TMTC2: variants seen among roughly 807,000 people sequenced by gnomAD.
TMTC2 encodes transmembrane O-mannosyltransferase targeting cadherins 2.
Under a neutral mutation model 82.4 loss-of-function variants are expected in TMTC2, and 43 were observed. The ratio of observed to expected loss-of-function variants is 0.52; its 90% confidence interval spans 0.41 to 0.67. The LOEUF (loss-of-function observed/expected upper bound fraction) is 0.67. Ranked by LOEUF, TMTC2 falls within the 30% of genes least tolerant of loss-of-function variation. The pLI is 0.00. For synonymous variants in TMTC2, 408 were observed against 381.9 expected (o/e 1.07, Z -0.80); for missense variants, 919 against 1,012.4 (o/e 0.91, Z 1.25).
chr12:82,701,142 G>A (rs1486879687), intron 1 of TMTC2, among the ~76,000 whole-genome samples: 3 of 152,096 alleles, frequency 2.0e-5, no homozygotes, highest in Admixed American at 6.5e-5. Flanking sequence ...GAGAGTATAT[G>A]CAAAGTTATG....
At position 82,896,623 on chromosome 12, in the gene TMTC2, G is replaced by A; in HGVS notation, c.1460G>A (p.Gly487Glu). Residue 487 changes from glycine (G) to glutamate (E), a missense_variant, in exon 3 of 12, where the codon GGG becomes GAG. By Grantham distance (98) the Gly-to-Glu change is moderately conservative. Coordinates refer to ENST00000321196, the MANE Select transcript of TMTC2 (RefSeq NM_152588.3). ...AATGAGGAAATGCTTTATAGATCAG[G>A]GATAAAAGTAAACCCAGCTAAAGGT... ...WQNEEMLYRSGIKVNPAKAWG... is the reference protein window; with the variant it reads ...WQNEEMLYRSEIKVNPAKAWG... 1 of 1,607,698 alleles carries A rather than the reference G, an allele frequency of 6.2e-7. No individual in the cohort carries two copies. The highest frequency in any genetic ancestry group is 8.5e-7 in the Non-Finnish European group (1 of 1,177,882).
intron 2 of TMTC2, among the ~76,000 whole-genome samples, chr12:82,862,051 T>C (rs1871580929): frequency 6.6e-6 from 1 of 152,198 alleles, no homozygotes; most frequent in Non-Finnish European, 1.5e-5. Flanking sequence ...TTGGAAGACA[T>C]GTATGTCAGA....
chr12:82,900,862 AATAT>A (rs1284724226), intron 3 of TMTC2, among the ~76,000 whole-genome samples: 1 of 126,040 alleles, frequency 7.9e-6, no homozygotes, highest in East Asian at 2.3e-4. Context: ...ATATACCTGG[AATAT>A]ATATATATAG....
At chr12:82,813,765 A>G (rs1037760481) in intron 1 of TMTC2, among the ~76,000 whole-genome samples, 1 of 152,054 alleles carries the variant, frequency 6.6e-6, no homozygotes, top group Non-Finnish European at 1.5e-5. Flanking sequence ...TGAGTTTTCT[A>G]TGTACTTATT....
At chr12:82,729,607 A>G (rs1000760882) in intron 1 of TMTC2, among the ~76,000 whole-genome samples, 1 of 152,162 alleles carries the variant, frequency 6.6e-6, no homozygotes, top group Non-Finnish European at 1.5e-5. Context: ...TTGTAAATGC[A>G]CCAATCAGCA....
intron 8 of TMTC2, among the ~76,000 whole-genome samples, chr12:83,023,837 A>G (rs1210692976): frequency 2.0e-5 from 3 of 152,230 alleles, no homozygotes; most frequent in African/African-American, 4.8e-5. Context: ...CACTATAAGT[A>G]TATTTCAGCC....
At chr12:82,765,760 A>T (rs1876922952) in intron 1 of TMTC2, among the ~76,000 whole-genome samples, 1 of 152,196 alleles carries the variant, frequency 6.6e-6, no homozygotes, top group African/African-American at 2.4e-5. Flanking sequence ...CATATTCATC[A>T]TTCTCTCACC....
intron 2 of TMTC2, among the ~76,000 whole-genome samples, chr12:82,873,901 A>G (rs1238500145): frequency 6.6e-6 from 1 of 152,224 alleles, no homozygotes; most frequent in Non-Finnish European, 1.5e-5. Context: ...CTTTAAATAA[A>G]TGGCCATCCT....
intron 11 of TMTC2, among the ~76,000 whole-genome samples, chr12:83,100,059 C>A (rs112992620): frequency 6.6e-6 from 1 of 151,800 alleles, no homozygotes; most frequent in Non-Finnish European, 1.5e-5. Context: ...AGCTGGGATT[C>A]CCGGCGCCCG....
chr12:83,133,380 A>G lies in TMTC2; in HGVS notation c.*991A>G, dbSNP rs1428129130. 6.6e-6 allele frequency: 1 copy of G among 152,208 alleles called. No individual in the cohort carries two copies. The highest frequency in any genetic ancestry group is 1.5e-5 in the Non-Finnish European group (1 of 68,040). 9.4% of individuals were successfully genotyped at this position (152,208 alleles called of 1,614,324 possible). A position where few individuals can be genotyped will look rare whatever the true frequency, so the allele number is the denominator to read the frequency against. On this transcript the variant is annotated 3_prime_UTR_variant, in exon 12 of 12. Transcript: ENST00000321196. ...TTAGGAGTGTGTGATGATGCTTGCC[A>G]GTGATTTTGTGTTTTGGAAAGGGTA...
chr12:83,045,674 A>G (rs1250531388), intron 9 of TMTC2, among the ~76,000 whole-genome samples: 1 of 129,636 alleles, frequency 7.7e-6, no homozygotes, highest in Non-Finnish European at 1.7e-5. Flanking sequence ...TGTTATAGAT[A>G]GCTGGTCGCT....
chr12:82,796,874 C>G (rs555768657), intron 1 of TMTC2, among the ~76,000 whole-genome samples: 1 of 152,086 alleles, frequency 6.6e-6, no homozygotes, highest in Non-Finnish European at 1.5e-5. Context: ...GTTTCCCCAG[C>G]TTTAAAATGG....
At chr12:82,815,875 A>G (rs974760661) in intron 1 of TMTC2, among the ~76,000 whole-genome samples, 16 of 152,112 alleles carry the variant, frequency 1.1e-4, no homozygotes, top group Non-Finnish European at 1.5e-5. Flanking sequence ...AAATCTTCAC[A>G]GGTACATGGA....
intron 1 of TMTC2, among the ~76,000 whole-genome samples, chr12:82,801,465 T>C (rs1878995238): frequency 6.6e-6 from 1 of 152,162 alleles, no homozygotes; most frequent in Admixed American, 6.5e-5. Context: ...GGCAGCCTGC[T>C]TTTATTCTTT....
intron 1 of TMTC2, among the ~76,000 whole-genome samples, chr12:82,728,406 C>A (rs897310818): frequency 2.0e-5 from 3 of 151,230 alleles, no homozygotes; most frequent in Non-Finnish European, 4.4e-5. Flanking sequence ...ATCAAAAGTA[C>A]CTGAAGGCTT....
intron 8 of TMTC2, among the ~76,000 whole-genome samples, chr12:83,021,023 T>G (rs765622516): frequency 2.0e-5 from 3 of 152,226 alleles, no homozygotes; most frequent in Non-Finnish European, 4.4e-5. Context: ...GGTGAGTTAC[T>G]TATAATTTGA....
chr12:82,709,695 A>C (rs553384510), intron 1 of TMTC2, among the ~76,000 whole-genome samples: 1 of 152,328 alleles, frequency 6.6e-6, no homozygotes, highest in Admixed American at 6.5e-5. Flanking sequence ...AAAAAACAAA[A>C]AACAAAAAAA....
chr12:82,742,288 CT>C (rs1354476465), intron 1 of TMTC2, among the ~76,000 whole-genome samples: 1 of 151,504 alleles, frequency 6.6e-6, no homozygotes, highest in Non-Finnish European at 1.5e-5. Context: ...TCATGCCATT[CT>C]TTTTTATGTC....
At chr12:83,053,982 C>G (rs1274381442) in intron 10 of TMTC2, among the ~76,000 whole-genome samples, 1 of 152,056 alleles carries the variant, frequency 6.6e-6, no homozygotes, top group Non-Finnish European at 1.5e-5. Flanking sequence ...CACTTTCCTG[C>G]CTTCCTTGAA....
Sources: allele counts gnomAD v4.1 joint callset (sites outside exome capture counted in the v4.1 genomes callset), GRCh38; gene constraint gnomAD v4.1.1; transcripts MANE v1.5; gene names NCBI Gene and HGNC (gene_info 2026-07-23, HGNC 2026-07-21).